IL17RC: variants seen among roughly 807,000 people sequenced by gnomAD.
IL17RC encodes interleukin 17 receptor C.
IL17RC carries 53 observed loss-of-function variants against 86.7 expected under a neutral mutation model. That is an observed-to-expected ratio of 0.61 (90% CI 0.49 to 0.77). The LOEUF is 0.77. IL17RC is among the 30% of genes least tolerant of loss of function. IL17RC has a pLI of 0.00. For missense variants in IL17RC, 957 were observed against 940.0 expected (o/e 1.02, Z -0.24); for synonymous variants, 439 against 413.1 (o/e 1.06, Z -0.76).
intron 12 of IL17RC, 139 bp from the exon 13 acceptor site, chr3:9,929,713 T>C (rs1375166989): frequency 2.3e-6 from 2 of 860,940 alleles, no homozygotes; most frequent in Admixed American, 3.5e-5. Flanking sequence ...TCACCCAGCC[T>C]TGAATCCACA....
intron 5 of IL17RC, 191 bp from the exon 6 acceptor site, chr3:9,920,300 G>C (rs2083434611): frequency 7.0e-6 from 4 of 569,020 alleles, no homozygotes; most frequent in Non-Finnish European, 1.3e-5. Flanking sequence ...CTCTTACTGA[G>C]GACATTTGCT....
At position 9,930,199 on chromosome 3, in the gene IL17RC, A is replaced by G; in HGVS notation, c.1278+50A>G. 6 of 1,605,682 alleles carry G rather than the reference A, an allele frequency of 3.7e-6. No individual in the cohort carries two copies. The highest frequency in any genetic ancestry group is 5.1e-6 in the Non-Finnish European group (6 of 1,174,090). ...ACAGATCTCTCCAAATGCATCTCAC[A>G]TCTGGCCTCAAATTTTCACTCCATC... is the stretch of plus-strand genomic sequence containing the variant. On this transcript the variant is annotated intron_variant, in intron 14 of 18. Transcript: ENST00000403601. The surrounding 1 kb of genome is among the most constrained non-coding windows in gnomAD (Gnocchi z 5.8).
intron 12 of IL17RC, 39 bp from the exon 13 acceptor site, chr3:9,929,813 C>G (rs1410364778): frequency 6.2e-7 from 1 of 1,613,306 alleles, no homozygotes; most frequent in African/African-American, 1.3e-5. Flanking sequence ...TTGGCTTTTG[C>G]TTTTCTTAGT....
intron 6 of IL17RC, 139 bp from the exon 7 acceptor site, chr3:9,920,786 T>G (rs1024422926): frequency 2.5e-6 from 2 of 788,120 alleles, no homozygotes; most frequent in African/African-American, 3.5e-5. Context: ...CTGGGGAAGG[T>G]TCTTTGAGCA....
intron 7 of IL17RC, among the ~76,000 whole-genome samples, chr3:9,921,949 G>C (rs1351616594): frequency 1.2e-5 from 1 of 82,284 alleles, no homozygotes; most frequent in Non-Finnish European, 2.4e-5. Context: ...TCCATGTCCA[G>C]TTCTTTTTTT....
At chr3:9,917,541 G>A in intron 1 of IL17RC, 121 bp downstream of exon 1, 1 of 1,614,188 alleles carries the variant, frequency 6.2e-7, no homozygotes, top group Middle Eastern at 1.7e-4. Context: ...TGGTCTGTCT[G>A]GTGCTGATGG....
At position 9,932,971 on chromosome 3, in the gene IL17RC, C is replaced by G. The variant is rs1300901956; in HGVS notation, c.1541C>G (p.Ala514Gly). ...VRSGAAARGR[A>G]ALLLYSADDS... is the part of the protein sequence containing the mutation. Reference sequence around the variant, plus strand: ...CCGGCAGCGGCCGCCAGGGGCCGCGCGGCTCTGCTCCTCTACTCAGCCGAT... The same window carrying G: ...CCGGCAGCGGCCGCCAGGGGCCGCGGGGCTCTGCTCCTCTACTCAGCCGAT... Residue 514 changes from alanine (A) to glycine (G), a missense_variant, in exon 19 of 19, where the codon GCG becomes GGG. Transcript: ENST00000403601. 6.2e-7 allele frequency: 1 copy of G among 1,605,788 alleles called. No homozygotes were observed. Among genetic ancestry groups the G allele is most frequent in the Non-Finnish European group, 8.5e-7 (1 of 1,177,942 alleles).
intron 9 of IL17RC, among the ~76,000 whole-genome samples, chr3:9,925,860 A>ATT (rs112277639): frequency 1.4e-5 from 2 of 138,484 alleles, no homozygotes; most frequent in Non-Finnish European, 1.6e-5. Context: ...ATTTTCTTAA[A>ATT]TTTTTTTTTT....
rs1272106393 is a variant in IL17RC at position 9,931,001 on chromosome 3, G to GC, written c.1387+58_1387+59insC. On this transcript the variant is annotated intron_variant, in intron 16 of 18. Transcript: ENST00000403601. ...TACCAGGAGTGGGGATCTTGACAGGGACCACTCTTGGGCACAGCACATGCA... is the reference window on the plus strand; with the variant it reads ...TACCAGGAGTGGGGATCTTGACAGGGCACCACTCTTGGGCACAGCACATGCA... 4 of 1,386,928 alleles carry GC rather than the reference G, an allele frequency of 2.9e-6. No individual in the cohort carries two copies. The African/African-American group carries it at 5.7e-5, about 20-fold the overall frequency. 85.9% of individuals were successfully genotyped at this position (1,386,928 alleles called of 1,614,324 possible).
At position 9,918,001 on chromosome 3, in the gene IL17RC, AG is replaced by A; in HGVS notation, c.207del (p.Glu69AspfsTer4). On this transcript the variant is annotated frameshift_variant, in exon 3 of 19. Coordinates refer to ENST00000403601, the MANE Select transcript of IL17RC (RefSeq NM_153460.4). LOFTEE classifies it high-confidence loss of function. ...PVLAPTHLQT[E>X]LVLRCQKETD... is the part of the protein sequence containing the mutation. ...CTGGCGCCTACGCACCTGCAGACAGAGCTGGTGCTGAGGTGCCAGAAGGAGA... is the reference window on the plus strand; with the variant it reads ...CTGGCGCCTACGCACCTGCAGACAGACTGGTGCTGAGGTGCCAGAAGGAGA... The A allele has an allele frequency of 6.2e-7, 1 of 1,613,784 alleles. No homozygotes were observed. Among genetic ancestry groups the A allele is most frequent in the African/African-American group, 1.3e-5 (1 of 75,054 alleles).
intron 12 of IL17RC, 62 bp downstream of exon 12, chr3:9,928,692 G>A (rs1470929165): frequency 1.3e-6 from 2 of 1,555,294 alleles, no homozygotes; most frequent in East Asian, 2.2e-5. Context: ...CCCAGCCAAG[G>A]GGGTCTTAGT....
intron 16 of IL17RC, among the ~76,000 whole-genome samples, chr3:9,931,470 C>CACACATATATATATATATAT (rs750351615): frequency 1.3e-3 from 57 of 43,568 alleles, no homozygotes; most frequent in Non-Finnish European, 3.0e-3. Context: ...CACACACACA[C>CACACATATATATATATATAT]ATATATATAT....
chr3:9,931,470 C>CACACACATATATATATATAT (rs750351615), intron 16 of IL17RC, among the ~76,000 whole-genome samples: 154 of 43,444 alleles, frequency 3.5e-3, no homozygotes, highest in Non-Finnish European at 6.9e-3. Context: ...CACACACACA[C>CACACACATATATATATATAT]ATATATATAT....
Position 9,925,241 on chromosome 3 carries a change from T to C in IL17RC, c.822+950T>C, listed in dbSNP as rs946246097. 2.0e-5 allele frequency among the ~76,000 whole-genome samples: 3 copies of C among 148,912 alleles called. No individual in the cohort carries two copies. The South Asian group carries it at 6.4e-4, about 32-fold the overall frequency. On this transcript the variant is annotated intron_variant, in intron 9 of 18. Coordinates refer to ENST00000403601, the MANE Select transcript of IL17RC (RefSeq NM_153460.4). ...CGCCATTCTCCTGCCTCAGCCTCGC[T>C]GAGTAGCTGGGACTACAGGTGCCTG...
chr3:9,930,809 G>C lies in IL17RC; in HGVS notation c.1339-86G>C, dbSNP rs279545. The C allele has an allele frequency of 3.3e-6, 4 of 1,199,916 alleles. No homozygotes were observed. In the South Asian group the frequency reaches 4.8e-5, roughly 15 times the overall value. 74.3% of individuals were successfully genotyped at this position (1,199,916 alleles called of 1,614,324 possible). A position where few individuals can be genotyped will look rare whatever the true frequency, so the allele number is the denominator to read the frequency against. On this transcript the variant is annotated intron_variant, in intron 15 of 18. Transcript: ENST00000403601. This position sits in a 1 kb window ranked among gnomAD's most constrained non-coding sequence, Gnocchi z 5.8. ...GGGAGATATGCATAGTTGATGCTGG[G>C]AATTTGGAGATCAGGCCACCAGAGC...
rs567325482 is a variant in IL17RC, at chr3:9,924,003, C to T, written c.745C>T (p.Arg249Trp). The T allele has an allele frequency of 1.7e-5, 28 of 1,613,972 alleles. No individual in the cohort carries two copies. Among genetic ancestry groups the T allele is most frequent in the African/African-American group, 5.3e-5 (4 of 75,044 alleles). Residue 249 changes from arginine to tryptophan, a missense_variant, in exon 8 of 19, where the codon CGG (arginine) becomes TGG (tryptophan). Physicochemically the swap from Arg to Trp is moderately radical, Grantham distance 101. Coordinates refer to ENST00000403601, the MANE Select transcript of IL17RC (RefSeq NM_153460.4). ...WNQVQGPPKP[R>W]WHKNLTGPQI... is the part of the protein sequence containing the mutation. ...TCAGGTCCAGGGCCCCCCAAAACCC[C>T]GGTGGCACAAAAACCTGGTGAGGCC...
chr3:9,918,247 C>T, intron 3 of IL17RC, 88 bp from the exon 4 acceptor site: 3 of 1,374,586 alleles, frequency 2.2e-6, no homozygotes, highest in Non-Finnish European at 3.0e-6. Flanking sequence ...CTTCCCAGCA[C>T]TGGGCTTTCC....
At chr3:9,922,242 C>T (rs572154197) in intron 7 of IL17RC, among the ~76,000 whole-genome samples, 2 of 152,344 alleles carry the variant, frequency 1.3e-5, no homozygotes, top group East Asian at 1.9e-4. Context: ...TGAGCCGCCA[C>T]GTCCGGCCAA....
chr3:9,932,645 C>T lies in IL17RC; in HGVS notation c.1425C>T (p.Cys475=), dbSNP rs375529813. Residue 475 remains cysteine (C), a synonymous_variant, in exon 17 of 19, where the codon TGC becomes TGT. Coordinates refer to ENST00000403601, the MANE Select transcript of IL17RC (RefSeq NM_153460.4). ...HKRWALVWLA[C]LLFAAALSLI... ...GCTGGGCCCTCGTGTGGCTGGCCTG[C>T]CTACTCTTTGCCGCTGCGCTTTCCC... 2.4e-5 allele frequency: 38 copies of T among 1,614,082 alleles called. No homozygotes were observed. In the African/African-American group the frequency reaches 4.3e-4, roughly 18 times the overall value.
Sources: allele counts gnomAD v4.1 joint callset (sites outside exome capture counted in the v4.1 genomes callset), GRCh38; gene constraint gnomAD v4.1.1; non-coding constraint Gnocchi (gnomAD v3.1); transcripts MANE v1.5; gene names NCBI Gene and HGNC (gene_info 2026-07-23, HGNC 2026-07-21).